LEF1: variants seen among roughly 807,000 people sequenced by gnomAD.
LEF1 encodes lymphoid enhancer-binding factor 1.
Under a neutral mutation model 51.2 loss-of-function variants are expected in LEF1, and 14 were observed. That is an observed-to-expected ratio of 0.27 (90% CI 0.18 to 0.43). The LOEUF is 0.43. Ranked by LOEUF, LEF1 falls within the 20% of genes least tolerant of loss-of-function variation. The probability of loss-of-function intolerance (pLI) is 1.00; values close to 1 mark genes in which losing one functional copy is unlikely to be tolerated. For missense variants in LEF1, 386 were observed against 512.0 expected (o/e 0.75, Z 2.37); for synonymous variants, 185 against 183.2 (o/e 1.01, Z -0.08).
rs1738388671 is a variant in LEF1 at position 108,070,404 on chromosome 4, A to G, written c.1116+259T>C. The stretch of plus-strand genomic sequence containing the variant: ...ATGGTCTTTTTTTAATGTTTCTTTT[A>G]TCAAATTTTAATAATAAGGTATTAG... On this transcript the variant is annotated intron_variant, in intron 9 of 11. Transcript: ENST00000265165. 2.5e-5 allele frequency: 7 copies of G among 281,004 alleles called. No individual in the cohort carries two copies. The South Asian group carries it at 1.1e-3, about 43-fold the overall frequency. 17.4% of individuals were successfully genotyped at this position (281,004 alleles called of 1,614,324 possible).
intron 3 of LEF1, among the ~76,000 whole-genome samples, chr4:108,098,341 G>A (rs908299851): frequency 1.3e-5 from 2 of 152,124 alleles, no homozygotes; most frequent in African/African-American, 4.8e-5. Flanking sequence ...TGGGGGTGGG[G>A]TTCGGCAAGC....
intron 3 of LEF1, among the ~76,000 whole-genome samples, chr4:108,120,370 T>A (rs1431487601): frequency 6.6e-6 from 1 of 152,196 alleles, no homozygotes; most frequent in Non-Finnish European, 1.5e-5. Flanking sequence ...ACATCTGGCT[T>A]AATAGAAGAC....
intron 3 of LEF1, among the ~76,000 whole-genome samples, chr4:108,105,914 G>A (rs909298600): frequency 1.3e-5 from 2 of 152,184 alleles, no homozygotes; most frequent in African/African-American, 4.8e-5. Flanking sequence ...AGAGCTGAAG[G>A]AGCCTAAGCG....
rs1245005290 is a variant in LEF1 at position 108,099,556 on chromosome 4, A to ATGTGTGTG, written c.415-10307_415-10300dup. Among the ~76,000 whole-genome samples, 39 of 49,652 alleles carry ATGTGTGTG rather than the reference A, an allele frequency of 7.9e-4. 2 individuals carry two copies. The highest frequency in any genetic ancestry group is 2.3e-3 in the African/African-American group (32 of 14,120). 32.6% of individuals were successfully genotyped at this position (49,652 alleles called of 152,430 possible). On this transcript the variant is annotated intron_variant, in intron 3 of 11. Transcript: ENST00000265165. ...TATATGTGTATATGTGTGTGTGTGT[A>ATGTGTGTG]TGTGTGTGTGTGTGTATATATATAT...
chr4:108,160,931 CT>C (rs2110417477), intron 3 of LEF1, among the ~76,000 whole-genome samples: 1 of 152,192 alleles, frequency 6.6e-6, no homozygotes, highest in Admixed American at 6.5e-5. Flanking sequence ...AGTCCTAACA[CT>C]TTTGGGAAGC....
At chr4:108,156,693 C>A (rs1253079421) in intron 3 of LEF1, among the ~76,000 whole-genome samples, 2 of 152,106 alleles carry the variant, frequency 1.3e-5, no homozygotes, top group African/African-American at 2.4e-5. Context: ...GATTAACTAT[C>A]ATCAACATTT....
At chr4:108,136,977 G>A (rs17566455) in intron 3 of LEF1, among the ~76,000 whole-genome samples, 6,454 of 152,114 alleles carry the variant, frequency 0.042, 163 homozygotes, top group Non-Finnish European at 0.062. Context: ...CCCAGACTAA[G>A]TTTCTTCTGG....
intron 11 of LEF1, among the ~76,000 whole-genome samples, chr4:108,063,306 T>C (rs1737826809): frequency 6.6e-6 from 1 of 152,152 alleles, no homozygotes; most frequent in South Asian, 2.1e-4. Context: ...TTGTTGTTGT[T>C]TGTTCTTTTT....
intron 8 of LEF1, among the ~76,000 whole-genome samples, chr4:108,073,748 T>A (rs28544029): frequency 0.83 from 126,320 of 151,966 alleles, 53,777 homozygotes; most frequent in East Asian, 0.96. Context: ...CGAAACTGAA[T>A]AAAAGGCAAG....
chr4:108,143,140 A>G (rs1743776426), intron 3 of LEF1, among the ~76,000 whole-genome samples: 1 of 152,202 alleles, frequency 6.6e-6, no homozygotes, highest in Non-Finnish European at 1.5e-5. Flanking sequence ...AAGGTACCCA[A>G]CTGTAAATTT....
chr4:108,058,576 G>A lies in LEF1; in HGVS notation c.*6+5047C>T, dbSNP rs560722762. ...CTGTGCTATCAAACCCCCAAATTCC[G>A]CCACCAACCTGACAGCTCGAGTGCT... On this transcript the variant is annotated intron_variant, in intron 11 of 11. Transcript: ENST00000265165. 9.2e-5 allele frequency among the ~76,000 whole-genome samples: 14 copies of A among 152,054 alleles called. 1 individual carries two copies. In the South Asian group the frequency reaches 2.1e-3, roughly 23 times the overall value.
chr4:108,120,405 G>C (rs1452271046), intron 3 of LEF1, among the ~76,000 whole-genome samples: 1 of 152,120 alleles, frequency 6.6e-6, no homozygotes, highest in Admixed American at 6.5e-5. Flanking sequence ...GTCTGCTTCT[G>C]CATAAAATTT....
chr4:108,127,205 C>A (rs192319227), intron 3 of LEF1, among the ~76,000 whole-genome samples: 79 of 152,222 alleles, frequency 5.2e-4, no homozygotes, highest in Admixed American at 5.0e-3. Context: ...TGGGGAGAGG[C>A]TCAGTGATCA....
intron 3 of LEF1, chr4:108,104,779 A>G: frequency 3.2e-6 from 2 of 628,364 alleles, no homozygotes; most frequent in Non-Finnish European, 4.0e-6. Context: ...CTCCCCTTCC[A>G]GGGCTCTCTC....
intron 3 of LEF1, among the ~76,000 whole-genome samples, chr4:108,148,545 T>C (rs1387169318): frequency 2.0e-5 from 3 of 152,174 alleles, no homozygotes; most frequent in Admixed American, 6.5e-5. Context: ...CTCACTCTGC[T>C]CAGCTGTGGA....
intron 3 of LEF1, among the ~76,000 whole-genome samples, chr4:108,102,943 G>C (rs754693128): frequency 6.6e-6 from 1 of 152,162 alleles, no homozygotes; most frequent in Non-Finnish European, 1.5e-5. Context: ...CTGCAAGAAA[G>C]GTATTAATAA....
intron 8 of LEF1, among the ~76,000 whole-genome samples, chr4:108,072,437 C>T (rs1738551204): frequency 6.6e-6 from 1 of 152,222 alleles, no homozygotes; most frequent in South Asian, 2.1e-4. Context: ...AGCAGCAGTT[C>T]CCACCAGAAG....
intron 3 of LEF1, among the ~76,000 whole-genome samples, chr4:108,104,287 C>T (rs902859060): frequency 6.6e-6 from 1 of 151,578 alleles, no homozygotes; most frequent in African/African-American, 2.4e-5. Context: ...TAACAGATAC[C>T]GGGTTTCTGT....
chr4:108,160,212 G>C (rs1157633479), intron 3 of LEF1, among the ~76,000 whole-genome samples: 1 of 152,168 alleles, frequency 6.6e-6, no homozygotes, highest in African/African-American at 2.4e-5. Context: ...CCATTCACAC[G>C]GTGTTCAGGC....
Sources: gnomAD v4.1 joint callset for allele counts (sites outside exome capture counted in the v4.1 genomes callset) on GRCh38, gnomAD v4.1.1 for gene constraint, MANE v1.5 for transcripts, NCBI Gene and HGNC (gene_info 2026-07-23, HGNC 2026-07-21) for gene names.